The following SMYD3 variants were observed in gnomAD, a reference collection of about 807,000 sequenced individuals.
SMYD3 encodes the protein SET and MYND domain containing 3.
In SMYD3, 36 loss-of-function variants were observed where a neutral mutation model predicts 57.7. The observed-to-expected ratio is 0.62, with a 90% CI of 0.48 to 0.82. The LOEUF is 0.82. Among genes scored for constraint, SMYD3 ranks in the 40% least tolerant of loss-of-function variants. SMYD3 has a pLI of 0.00. For synonymous variants in SMYD3, 211 were observed against 195.0 expected (o/e 1.08, Z -0.68); for missense variants, 515 against 538.8 (o/e 0.96, Z 0.44).
chr1:245,850,434 G>A (rs940909941), intron 10 of SMYD3, among the ~76,000 whole-genome samples: 2 of 152,176 alleles, frequency 1.3e-5, no homozygotes, highest in Non-Finnish European at 2.9e-5. Flanking sequence ...GCTCACACCT[G>A]TAATCCCAGA....
At chr1:246,267,931 T>C (rs4654227) in intron 5 of SMYD3, among the ~76,000 whole-genome samples, 53,079 of 152,104 alleles carry the variant, frequency 0.35, 10,349 homozygotes, top group East Asian at 0.79. Context: ...ATCATTTCTG[T>C]CTTTTCCTAT....
In SMYD3 at chr1:246,395,809, C is replaced by CGGTCAGACAGGGAAGAGGAACCCACCAT. The variant is rs2066660086; in HGVS notation, c.165-40716_165-40715insATGGTGGGTTCCTCTTCCCTGTCTGACC. Among the ~76,000 whole-genome samples the CGGTCAGACAGGGAAGAGGAACCCACCAT allele has an allele frequency of 3.6e-5, 5 of 140,672 alleles. No individual in the cohort carries two copies. The South Asian group carries it at 1.1e-3, about 32-fold the overall frequency. The allele number at this position is 140,672 out of a possible 152,430, so 92.3% of individuals were successfully genotyped here. A position where few individuals can be genotyped will look rare whatever the true frequency, so the allele number is the denominator to read the frequency against. On this transcript the variant is annotated intron_variant, in intron 1 of 11. Coordinates refer to ENST00000490107, the MANE Select transcript of SMYD3 (RefSeq NM_001167740.2). Reference sequence around the variant, plus strand: ...TCAGACAGGGAAGAGGAACCCACCACGGCTGGACAGGGAAGACGAACCCAC... The same window carrying CGGTCAGACAGGGAAGAGGAACCCACCAT: ...TCAGACAGGGAAGAGGAACCCACCACGGTCAGACAGGGAAGAGGAACCCACCATGGCTGGACAGGGAAGACGAACCCAC...
chr1:245,944,308 A>G (rs2057362079), intron 5 of SMYD3, among the ~76,000 whole-genome samples: 1 of 152,218 alleles, frequency 6.6e-6, no homozygotes, highest in Non-Finnish European at 1.5e-5. Context: ...GATTAAAAAA[A>G]AAATCAATGT....
chr1:246,103,726 A>G (rs893410220), intron 5 of SMYD3, among the ~76,000 whole-genome samples: 1 of 152,156 alleles, frequency 6.6e-6, no homozygotes, highest in African/African-American at 2.4e-5. Flanking sequence ...GAATAAGAAA[A>G]AGCTCAAAAT....
chr1:245,837,373 A>T (rs2050156178), intron 10 of SMYD3, among the ~76,000 whole-genome samples: 1 of 152,090 alleles, frequency 6.6e-6, no homozygotes, highest in African/African-American at 2.4e-5. Context: ...GGATTCTGGG[A>T]AAGTCCTCGG....
chr1:245,900,154 G>A (rs2054089506), intron 8 of SMYD3, among the ~76,000 whole-genome samples: 1 of 152,170 alleles, frequency 6.6e-6, no homozygotes, highest in African/African-American at 2.4e-5. Flanking sequence ...GCTCAATAGA[G>A]TAAAGAAAAT....
intron 5 of SMYD3, among the ~76,000 whole-genome samples, chr1:246,289,770 G>A (rs2064649869): frequency 6.6e-6 from 1 of 152,116 alleles, no homozygotes; most frequent in Non-Finnish European, 1.5e-5. Flanking sequence ...CAGTAACCAT[G>A]AACTCACCAA....
At chr1:245,807,813 G>GGAAA (rs1553328805) in intron 10 of SMYD3, among the ~76,000 whole-genome samples, 7 of 111,724 alleles carry the variant, frequency 6.3e-5, no homozygotes, top group African/African-American at 2.0e-4. Context: ...ATTTCCCAGG[G>GGAAA]AAAAAAAAAA....
At chr1:245,761,661 T>C (rs887553477) in intron 11 of SMYD3, among the ~76,000 whole-genome samples, 8 of 152,140 alleles carry the variant, frequency 5.3e-5, no homozygotes, top group African/African-American at 1.9e-4. Flanking sequence ...CTGATCTTAC[T>C]AGAGAGCCTC....
intron 5 of SMYD3, among the ~76,000 whole-genome samples, chr1:245,967,718 GCTT>G (rs1041740162): frequency 6.6e-6 from 1 of 152,150 alleles, no homozygotes; most frequent in African/African-American, 2.4e-5. Context: ...CCCAAGAATT[GCTT>G]CTTATTAAAG....
intron 5 of SMYD3, among the ~76,000 whole-genome samples, chr1:246,303,007 G>C (rs937631836): frequency 2.6e-5 from 4 of 152,154 alleles, no homozygotes; most frequent in Admixed American, 2.6e-4. Flanking sequence ...AGAAAGAAGA[G>C]AGAATTGCGG....
chr1:246,333,999 A>G (rs2065500808), intron 3 of SMYD3, among the ~76,000 whole-genome samples: 1 of 152,198 alleles, frequency 6.6e-6, no homozygotes, highest in South Asian at 2.1e-4. Flanking sequence ...ATCATCAGAG[A>G]AATGCAAATC....
At chr1:245,936,189 AAAGC>A (rs1442882983) in intron 5 of SMYD3, among the ~76,000 whole-genome samples, 1 of 152,218 alleles carries the variant, frequency 6.6e-6, no homozygotes, top group Admixed American at 6.5e-5. Flanking sequence ...AATAAGACAG[AAAGC>A]AAGGATGTTG....
intron 5 of SMYD3, among the ~76,000 whole-genome samples, chr1:246,136,048 C>T (rs913243067): frequency 6.6e-6 from 1 of 152,180 alleles, no homozygotes; most frequent in Non-Finnish European, 1.5e-5. Context: ...ACTGTTAGAT[C>T]AGAGAGTTAT....
intron 2 of SMYD3, among the ~76,000 whole-genome samples, chr1:246,346,370 G>C (rs141021112): frequency 6.6e-6 from 1 of 152,140 alleles, no homozygotes; most frequent in Non-Finnish European, 1.5e-5. Context: ...CCTATTTACA[G>C]TGGTTCCTTT....
chr1:245,980,426 AC>A (rs1425958127), intron 5 of SMYD3, among the ~76,000 whole-genome samples: 1 of 152,228 alleles, frequency 6.6e-6, no homozygotes, highest in African/African-American at 2.4e-5. Context: ...AAGAGGCCAC[AC>A]AGAGGGCAAC....
intron 7 of SMYD3, among the ~76,000 whole-genome samples, chr1:245,920,205 C>A (rs571931874): frequency 3.3e-5 from 5 of 150,436 alleles, no homozygotes; most frequent in Non-Finnish European, 5.9e-5. Flanking sequence ...CCCAGCTACT[C>A]GGGAGGCAGA....
intron 10 of SMYD3, among the ~76,000 whole-genome samples, chr1:245,843,066 G>A (rs2050484150): frequency 6.6e-6 from 1 of 152,168 alleles, no homozygotes; most frequent in Non-Finnish European, 1.5e-5. Context: ...GGGTGGGAAT[G>A]AAGTGTTTGT....
rs144919931 is a variant in SMYD3 at position 246,156,492 on chromosome 1, T to C, written c.531+170709A>G. Among the ~76,000 whole-genome samples, 475 of 152,366 alleles carry C rather than the reference T, an allele frequency of 3.1e-3. 3 individuals carry two copies. The highest frequency in any genetic ancestry group is 5.4e-3 in the South Asian group (26 of 4,826). On this transcript the variant is annotated intron_variant, in intron 5 of 11. Transcript: ENST00000490107. The stretch of plus-strand genomic sequence containing the variant: ...ATTTTCCCCATAAAAATAAGTTCTA[T>C]ATCATGGTTATGATCCAAGGTGAAC...
Sources: gnomAD v4.1 joint callset for allele counts (sites outside exome capture counted in the v4.1 genomes callset) on GRCh38, gnomAD v4.1.1 for gene constraint, MANE v1.5 for transcripts, NCBI Gene and HGNC (gene_info 2026-07-23, HGNC 2026-07-21) for gene names.